PGR: variants seen among roughly 807,000 people sequenced by gnomAD.
PGR encodes progesterone receptor.
PGR carries 25 observed loss-of-function variants against 76.1 expected under a neutral mutation model. The observed-to-expected ratio is 0.33, with a 90% CI of 0.24 to 0.46. PGR has a LOEUF of 0.46. PGR is among the 20% of genes least tolerant of loss of function. The pLI, the probability that PGR is intolerant of heterozygous loss-of-function variation, is 1.00. For missense variants in PGR, 1,172 were observed against 1,225.3 expected, an observed-to-expected ratio of 0.96 and a Z score of 0.65; for synonymous variants, 579 against 535.0, an observed-to-expected ratio of 1.08 and a Z score of -1.14.
At chr11:101,120,636 C>T (rs1862644092) in intron 2 of PGR, among the ~76,000 whole-genome samples, 1 of 151,800 alleles carries the variant, frequency 6.6e-6, no homozygotes, top group African/African-American at 2.4e-5. Context: ...TATATAATAC[C>T]ATTTATATAT....
intron 2 of PGR, among the ~76,000 whole-genome samples, chr11:101,100,742 C>T (rs1165901770): frequency 1.3e-5 from 2 of 152,080 alleles, no homozygotes; most frequent in African/African-American, 2.4e-5. Context: ...CTCACCAGGA[C>T]ATTTCACAAT....
chr11:101,043,511 T>C (rs750991199), intron 6 of PGR, among the ~76,000 whole-genome samples: 96 of 152,200 alleles, frequency 6.3e-4, no homozygotes, highest in Non-Finnish European at 1.0e-4. Flanking sequence ...CCTTCTCCCA[T>C]GAATCACGAA....
At chr11:101,044,855 T>C (rs1859811970) in intron 6 of PGR, among the ~76,000 whole-genome samples, 1 of 151,924 alleles carries the variant, frequency 6.6e-6, no homozygotes, top group African/African-American at 2.4e-5. Context: ...TACAAGTGTG[T>C]GCCATCATGT....
At chr11:101,043,381 C>T (rs1859759975) in intron 6 of PGR, among the ~76,000 whole-genome samples, 1 of 152,142 alleles carries the variant, frequency 6.6e-6, no homozygotes, top group Non-Finnish European at 1.5e-5. Flanking sequence ...AATTTTAGTT[C>T]TCTTGCTCTT....
chr11:101,105,640 T>C (rs1862133538), intron 2 of PGR, among the ~76,000 whole-genome samples: 1 of 151,710 alleles, frequency 6.6e-6, no homozygotes. Flanking sequence ...GTAGTGAAAA[T>C]GGCCATACTG....
At chr11:101,085,627 A>G (rs937259168) in intron 3 of PGR, among the ~76,000 whole-genome samples, 10 of 151,690 alleles carry the variant, frequency 6.6e-5, no homozygotes, top group Non-Finnish European at 1.0e-4. Context: ...TTGAGACCCA[A>G]AAATCTATAC....
chr11:101,041,978 A>G lies in PGR; in HGVS notation c.2613T>C (p.Tyr871=), dbSNP rs1249946244. 1.2e-6 allele frequency: 2 copies of G among 1,613,562 alleles called. No individual in the cohort carries two copies. Among genetic ancestry groups the G allele is most frequent in the African/African-American group, 1.3e-5 (1 of 75,002 alleles). Residue 871 remains tyrosine, a synonymous_variant, in exon 7 of 8, where the codon TAT becomes TAC. Coordinates refer to ENST00000325455, the MANE Select transcript of PGR (RefSeq NM_000926.4). ...AGTTATCAAGAAGTTTTGTAAGTTGATAGAAACGCTGTGAGCTCGACACAA... is the reference window on the plus strand; with the variant it reads ...AGTTATCAAGAAGTTTTGTAAGTTGGTAGAAACGCTGTGAGCTCGACACAA... ...KGVVSSSQRF[Y]QLTKLLDNLH...
At position 101,037,820 on chromosome 11, in the gene PGR, A is replaced by G. The variant is rs1859560312; in HGVS notation, c.*1296T>C. 1 of 224,200 alleles carries G rather than the reference A, an allele frequency of 4.5e-6. No individual in the cohort carries two copies. The highest frequency in any genetic ancestry group is 8.9e-6 in the Non-Finnish European group (1 of 112,352). The allele number at this position is 224,200 out of a possible 1,614,324, so 13.9% of individuals were successfully genotyped here. On this transcript the variant is annotated 3_prime_UTR_variant, in exon 8 of 8. Transcript: ENST00000325455. ...GAAATCTACAGTAATACCAAGACAG[A>G]GAGAAAATGTCATTCAACTCTCAGT...
intron 3 of PGR, among the ~76,000 whole-genome samples, chr11:101,089,643 C>T (rs975205297): frequency 1.5e-5 from 2 of 133,488 alleles, no homozygotes; most frequent in Non-Finnish European, 3.1e-5. Flanking sequence ...TATACAGTTA[C>T]TGAAAGAAAG....
intron 4 of PGR, among the ~76,000 whole-genome samples, chr11:101,053,580 C>T (rs1352852974): frequency 3.0e-5 from 4 of 132,734 alleles, no homozygotes; most frequent in Non-Finnish European, 1.7e-5. Context: ...CTTCCCTCCC[C>T]TTCTCCCTTT....
chr11:101,040,595 G>A (rs944846718), intron 7 of PGR, among the ~76,000 whole-genome samples: 10 of 152,044 alleles, frequency 6.6e-5, no homozygotes, highest in African/African-American at 2.4e-4. Flanking sequence ...CTGGCTTCCA[G>A]TGTTGCTGCA....
intron 3 of PGR, among the ~76,000 whole-genome samples, chr11:101,064,331 CAAAAAAAAAAAAAAAAAAAAAA>C (rs10556132): frequency 5.6e-4 from 22 of 39,450 alleles, no homozygotes; most frequent in Admixed American, 1.6e-3. Flanking sequence ...AACTCCACCT[CAAAAAAAAAAAAAAAAAAAAAA>C]AAAAAAAAAA....
At chr11:101,092,428 C>T (rs937387890) in intron 2 of PGR, among the ~76,000 whole-genome samples, 5 of 152,138 alleles carry the variant, frequency 3.3e-5, no homozygotes, top group Admixed American at 2.0e-4. Flanking sequence ...ACTTATTGTA[C>T]TGAATTTAAT....
intron 3 of PGR, among the ~76,000 whole-genome samples, chr11:101,078,643 A>C (rs2135435779): frequency 6.6e-6 from 1 of 152,330 alleles, no homozygotes; most frequent in East Asian, 1.9e-4. Context: ...GAAGTGATTC[A>C]TTAAAGACAA....
In PGR at chr11:101,039,999, C is replaced by A. The variant is rs553674195; in HGVS notation, c.2647-728G>T. The stretch of plus-strand genomic sequence containing the variant: ...TCTTCCTCAACTACATACATGTTCT[C>A]TTCTCCCCAGAGAGAGCTTTTGGCT... On this transcript the variant is annotated intron_variant, in intron 7 of 7. Coordinates refer to ENST00000325455, the MANE Select transcript of PGR (RefSeq NM_000926.4). 7.9e-5 allele frequency among the ~76,000 whole-genome samples: 12 copies of A among 152,182 alleles called. No individual in the cohort carries two copies. In the South Asian group the frequency reaches 2.1e-3, roughly 26 times the overall value.
chr11:101,041,104 G>A (rs1421091432), intron 7 of PGR, among the ~76,000 whole-genome samples: 2 of 151,796 alleles, frequency 1.3e-5, no homozygotes, highest in Non-Finnish European at 1.5e-5. Context: ...TTTCTCTGAG[G>A]ATGTTAGAAG....
At chr11:101,108,912 A>G (rs1459064243) in intron 2 of PGR, among the ~76,000 whole-genome samples, 1 of 152,230 alleles carries the variant, frequency 6.6e-6, no homozygotes, top group African/African-American at 2.4e-5. Flanking sequence ...TTTTTCCAAC[A>G]GCACATGTTC....
Position 101,128,037 on chromosome 11 carries a change from G to A in PGR, c.1034C>T (p.Ser345Leu), listed in dbSNP as rs776238690. The A allele has an allele frequency of 5.2e-5, 84 of 1,606,686 alleles. No individual in the cohort carries two copies. Among genetic ancestry groups the A allele is most frequent in the Non-Finnish European group, 7.0e-5 (83 of 1,179,816 alleles). Residue 345 changes from serine (S) to leucine (L), a missense_variant, in exon 1 of 8, where the codon TCA (serine) becomes TTA (leucine). Around this residue, in one of 4 missense-constraint regions of PGR, gnomAD observed 893 missense variants for 785.9 expected, o/e 1.14. Transcript: ENST00000325455. ...GACCGGGGTGGACGAGGCACAGGGT[G>A]AACTCCGCGGCGGGGCAAAGGCGCT... is the stretch of plus-strand genomic sequence containing the variant. ...AASAFAPPRS[S>L]PCASSTPVAV...
chr11:101,105,218 C>A (rs1862113124), intron 2 of PGR, among the ~76,000 whole-genome samples: 1 of 152,128 alleles, frequency 6.6e-6, no homozygotes, highest in African/African-American at 2.4e-5. Flanking sequence ...AGATATGGTA[C>A]CACTGGAGAC....
Sources: allele counts gnomAD v4.1 joint callset (sites outside exome capture counted in the v4.1 genomes callset), GRCh38; gene constraint gnomAD v4.1.1; regional missense constraint gnomAD v4.1.1; transcripts MANE v1.5; gene names NCBI Gene and HGNC (gene_info 2026-07-23, HGNC 2026-07-21).